GBP2: variants seen among roughly 807,000 people sequenced by gnomAD.
The protein encoded by GBP2 is guanylate binding protein 2.
In GBP2, 54 loss-of-function variants were observed where a neutral mutation model predicts 60.8. That is an observed-to-expected ratio of 0.89 (90% CI 0.71 to 1.11). The LOEUF (loss-of-function observed/expected upper bound fraction) is 1.11, where lower values mean the gene tolerates loss of function less well. Among genes scored for constraint, GBP2 ranks in the 50% most tolerant of loss-of-function variants. The pLI is 0.00. For missense variants in GBP2, 665 were observed against 703.3 expected (o/e 0.95, Z 0.62); for synonymous variants, 243 against 256.5 (o/e 0.95, Z 0.50).
At chr1:89,123,678 A>T (rs1681457210) in intron 1 of GBP2, among the ~76,000 whole-genome samples, 1 of 152,176 alleles carries the variant, frequency 6.6e-6, no homozygotes, top group Admixed American at 6.5e-5. Flanking sequence ...TTCCTTCTCC[A>T]TTCTCTTTGG....
rs376685322 is a variant in GBP2 at position 89,118,000 on chromosome 1, C to T, written c.429-227G>A. 3.3e-4 allele frequency: 123 copies of T among 370,682 alleles called. 9 individuals are homozygous for T. The highest frequency in any genetic ancestry group is 6.7e-4 in the Admixed American group (15 of 22,520). 23.0% of individuals were successfully genotyped at this position (370,682 alleles called of 1,614,324 possible). Reference sequence around the variant, plus strand: ...TGTAATGAATGAGACAATGCTACCACTATAGAGCTTACATTCTAATGATGG... The same window carrying T: ...TGTAATGAATGAGACAATGCTACCATTATAGAGCTTACATTCTAATGATGG... On this transcript the variant is annotated intron_variant, in intron 4 of 10. Transcript: ENST00000370466.
chr1:89,122,051 A>G (rs1681412804), intron 1 of GBP2, 68 bp from the exon 2 acceptor site: 1 of 1,172,980 alleles, frequency 8.5e-7, no homozygotes, highest in African/African-American at 1.6e-5. Flanking sequence ...GAACTTTACA[A>G]TATGGGTTAA....
At chr1:89,116,382 A>G (rs1681273531) in intron 6 of GBP2, among the ~76,000 whole-genome samples, 2 of 152,166 alleles carry the variant, frequency 1.3e-5, no homozygotes, top group Non-Finnish European at 1.5e-5. Context: ...CACACTCTAA[A>G]TTATATCTCC....
In GBP2 at chr1:89,107,763, G is replaced by A. The variant is rs1321226209; in HGVS notation, c.*412C>T. Among the ~76,000 whole-genome samples, 1 of 152,078 alleles carries A rather than the reference G, an allele frequency of 6.6e-6. No individual in the cohort carries two copies. The highest frequency in any genetic ancestry group is 1.5e-5 in the Non-Finnish European group (1 of 68,024). On this transcript the variant is annotated 3_prime_UTR_variant, in exon 11 of 11. Coordinates refer to ENST00000370466, the MANE Select transcript of GBP2 (RefSeq NM_004120.5). ...TCACAACACTTCAGCCCTATGCTAC[G>A]ACCATAGTTAAATCCCTGAATAAGA...
At chr1:89,108,893 ATCTT>A (rs201798452) in intron 10 of GBP2, among the ~76,000 whole-genome samples, 5 of 82,770 alleles carry the variant, frequency 6.0e-5, no homozygotes, top group African/African-American at 1.8e-4. Flanking sequence ...TGGTTAGGGA[ATCTT>A]TCTTTTTTTT....
intron 6 of GBP2, among the ~76,000 whole-genome samples, chr1:89,116,057 G>A (rs1681265085): frequency 6.6e-6 from 1 of 151,858 alleles, no homozygotes; most frequent in African/African-American, 2.4e-5. Flanking sequence ...CTGTCTCCCA[G>A]GCTGGAGTGC....
At chr1:89,112,073 A>C (rs1004495076) in intron 8 of GBP2, among the ~76,000 whole-genome samples, 1 of 152,212 alleles carries the variant, frequency 6.6e-6, no homozygotes, top group Non-Finnish European at 1.5e-5. Flanking sequence ...AGTAAGTGCA[A>C]CATAAATGTT....
In GBP2 at chr1:89,121,272, T is replaced by A. The variant is rs111739902; in HGVS notation, c.191-2A>T. ...TCACTGTGGAGCCTAGAGAGAAGCC[T>A]GTAGAAGGAGAGGATAAAAGGGAAA... On this transcript the variant is annotated splice_acceptor_variant, in intron 2 of 10. Transcript: ENST00000370466. LOFTEE classifies it high-confidence loss of function. 6.3e-7 allele frequency: 1 copy of A among 1,598,508 alleles called. No individual in the cohort carries two copies. Among genetic ancestry groups the A allele is most frequent in the East Asian group, 2.2e-5 (1 of 44,506 alleles).
intron 2 of GBP2, 114 bp from the exon 3 acceptor site, chr1:89,121,384 A>G: frequency 2.3e-6 from 2 of 881,206 alleles, no homozygotes; most frequent in South Asian, 2.3e-5. Context: ...TACAACTGGC[A>G]TAAATCTTAA....
rs926372161 is a variant in GBP2 at position 89,121,127 on chromosome 1, T to A, written c.318+16A>T. 6.2e-7 allele frequency: 1 copy of A among 1,605,922 alleles called. No individual in the cohort carries two copies. The highest frequency in any genetic ancestry group is 1.3e-5 in the African/African-American group (1 of 74,726). On this transcript the variant is annotated intron_variant, in intron 3 of 10. Coordinates refer to ENST00000370466, the MANE Select transcript of GBP2 (RefSeq NM_004120.5). ...ATCTACCTAAGTGAAATTTTTAAAA[T>A]ACTTATTTTTTTTACCTTCTCTATA...
In GBP2 at chr1:89,121,034, C is replaced by CT. The variant is rs1681385025; in HGVS notation, c.318+108dup. The CT allele has an allele frequency of 1.3e-5, 8 of 628,584 alleles. No individual in the cohort carries two copies. In the South Asian group the frequency reaches 2.3e-4, roughly 18 times the overall value. 38.9% of individuals were successfully genotyped at this position (628,584 alleles called of 1,614,324 possible). ...TATATTAATATAATTAACTAGAGCC[C>CT]TAAATCAAGGAGTAGGAGTGATTGT... On this transcript the variant is annotated intron_variant, in intron 3 of 10. Transcript: ENST00000370466.
Position 89,121,162 on chromosome 1 carries a change from C to T in GBP2, c.299G>A (p.Gly100Asp), listed in dbSNP as rs1313416189. The T allele has an allele frequency of 1.2e-6, 2 of 1,612,088 alleles. No individual in the cohort carries two copies. Among genetic ancestry groups the T allele is most frequent in the East Asian group, 4.5e-5 (2 of 44,794 alleles). Residue 100 changes from glycine to aspartate, a missense_variant, in exon 3 of 11, where the codon GGC becomes GAC. Coordinates refer to ENST00000370466, the MANE Select transcript of GBP2 (RefSeq NM_004120.5). ...EHTLVLLDTE[G>D]LGDIEKGDNE... The stretch of plus-strand genomic sequence containing the variant: ...TTTTACCTTCTCTATATCTCCCAGG[C>T]CCTCAGTGTCGAGCAGAACTAGGGT...
At chr1:89,120,358 G>T in intron 3 of GBP2, 70 bp from the exon 4 acceptor site, 1 of 1,238,736 alleles carries the variant, frequency 8.1e-7, no homozygotes, top group Non-Finnish European at 1.2e-6. Flanking sequence ...GATAGCTGAA[G>T]ACTGACTGAA....
chr1:89,109,435 C>G (rs115840304), intron 10 of GBP2, among the ~76,000 whole-genome samples: 144 of 152,266 alleles, frequency 9.5e-4, no homozygotes, highest in African/African-American at 3.2e-3. Context: ...ATGTAAAATA[C>G]TTGTGCAGTG....
chr1:89,116,995 G>A lies in GBP2; in HGVS notation c.865C>T (p.Pro289Ser). 1 of 1,613,860 alleles carries A rather than the reference G, an allele frequency of 6.2e-7. No homozygotes were observed. Among genetic ancestry groups the A allele is most frequent in the Non-Finnish European group, 8.5e-7 (1 of 1,179,806 alleles). The change falls in exon 6 of 11, where the codon CCT (proline) becomes TCT (serine). Residue 289 changes from proline (P) to serine (S), a missense_variant. Pro to Ser is a moderately conservative substitution (Grantham distance 74). Coordinates refer to ENST00000370466, the MANE Select transcript of GBP2 (RefSeq NM_004120.5). ...GTGGGTAGAGAGAGTGACTCACGAG[G>A]CCCATTGACTGGAATGCCACCTGAA... ...TLSGGIPVNG[P>S]RLESLVLTYV...
chr1:89,117,604 A>G lies in GBP2; in HGVS notation c.598T>C (p.Leu200=), dbSNP rs1397317011. The G allele has an allele frequency of 1.9e-6, 3 of 1,614,010 alleles. No homozygotes were observed. In the Admixed American group the frequency reaches 5.0e-5, roughly 27 times the overall value. The change falls in exon 5 of 11, where the codon TTG becomes CTG. Residue 200 remains leucine, a synonymous_variant. Transcript: ENST00000370466. ...DGEPITADDY[L]ELSLKLRKGT... ...TTTCTTAGCTTTAGCGAAAGCTCCA[A>G]GTAGTCATCAGCAGTGATGGGTTCT...
chr1:89,108,074 G>T lies in GBP2; in HGVS notation c.*101C>A. Reference sequence around the variant, plus strand: ...ACAAAAATGCATGCATCATGATTTTGAGTTAAGTTTAATGGCAGTTGTTTG... The same window carrying T: ...ACAAAAATGCATGCATCATGATTTTTAGTTAAGTTTAATGGCAGTTGTTTG... On this transcript the variant is annotated 3_prime_UTR_variant, in exon 11 of 11. Coordinates refer to ENST00000370466, the MANE Select transcript of GBP2 (RefSeq NM_004120.5). 1 of 679,690 alleles carries T rather than the reference G, an allele frequency of 1.5e-6. No homozygotes were observed. The highest frequency in any genetic ancestry group is 1.8e-5 in the South Asian group (1 of 56,990). The allele number at this position is 679,690 out of a possible 1,614,324, so 42.1% of individuals were successfully genotyped here. A position where few individuals can be genotyped will look rare whatever the true frequency, so the allele number is the denominator to read the frequency against.
intron 7 of GBP2, 98 bp downstream of exon 7, chr1:89,113,918 C>G (rs1363715849): frequency 1.5e-6 from 2 of 1,337,020 alleles, no homozygotes; most frequent in Admixed American, 3.8e-5. Flanking sequence ...AATATGTACA[C>G]ATAACTGAGT....
chr1:89,117,622 TG>T lies in GBP2; in HGVS notation c.579del (p.Ile194SerfsTer11), dbSNP rs768273867. 14 of 1,614,014 alleles carry T rather than the reference TG, an allele frequency of 8.7e-6. No homozygotes were observed. Among genetic ancestry groups the T allele is most frequent in the Non-Finnish European group, 1.2e-5 (14 of 1,179,994 alleles). ...AGCTCCAAGTAGTCATCAGCAGTGA[TG>T]GGTTCTCCATCTACTTCCAGTTCCA... ...FTLELEVDGE[P>X]ITADDYLELS... On this transcript the variant is annotated frameshift_variant, in exon 5 of 11. Transcript: ENST00000370466. LOFTEE classifies it high-confidence loss of function.
Sources: allele counts gnomAD v4.1 joint callset (sites outside exome capture counted in the v4.1 genomes callset), GRCh38; gene constraint gnomAD v4.1.1; transcripts MANE v1.5; gene names NCBI Gene and HGNC (gene_info 2026-07-23, HGNC 2026-07-21).